The following CHD4 variants were observed in gnomAD, a reference collection of about 807,000 sequenced individuals.
CHD4 encodes ATP-dependent chromatin remodeler CHD4.
In CHD4, 35 loss-of-function variants were observed where a neutral mutation model predicts 235.5. The ratio of observed to expected loss-of-function variants is 0.15; its 90% CI spans 0.11 to 0.20. The LOEUF is 0.20. CHD4 is among the 10% of genes least tolerant of loss of function. The probability of loss-of-function intolerance (pLI) is 1.00; values close to 1 mark genes in which losing one functional copy is unlikely to be tolerated. For synonymous variants in CHD4, 900 were observed against 850.2 expected (o/e 1.06, Z -1.02); for missense variants, 1,329 against 2,432.3 (o/e 0.55, Z 9.54).
At chr12:6,576,097 G>A (rs1440514249) in intron 37 of CHD4, among the ~76,000 whole-genome samples, 7 of 151,226 alleles carry the variant, frequency 4.6e-5, no homozygotes, top group African/African-American at 1.7e-4. Context: ...AGTGGCTCAC[G>A]CCTGTTATCT....
rs2136223878 is a variant in CHD4 at position 6,600,615 on chromosome 12, T to C, written c.982A>G (p.Ser328Gly). 6.2e-7 allele frequency: 1 copy of C among 1,614,114 alleles called. No individual in the cohort carries two copies. Among genetic ancestry groups the C allele is most frequent in the Non-Finnish European group, 8.5e-7 (1 of 1,180,026 alleles). The change falls in exon 8 of 40, where the codon AGC becomes GGC. Residue 328 changes from serine to glycine, a missense_variant. Around this residue, in one of 26 missense-constraint regions of CHD4, gnomAD observed 160 missense variants for 196.6 expected, o/e 0.81. Coordinates refer to ENST00000544040, the MANE Select transcript of CHD4 (RefSeq NM_001273.5). ...GTGGAACCATCAGAAACAGAATAGC[T>C]ATTGATACTGGCATCATCGAAGTCA... ...ESDFDDASINSYSVSDGSTSR... is the reference protein window; with the variant it reads ...ESDFDDASINGYSVSDGSTSR...
At chr12:6,595,286 A>T (rs1047186854) in intron 14 of CHD4, 48 bp downstream of exon 14, 12 of 1,461,158 alleles carry the variant, frequency 8.2e-6, no homozygotes, top group Non-Finnish European at 1.1e-5. Flanking sequence ...TGCAGCAAAG[A>T]TACATTGTCC....
intron 25 of CHD4, chr12:6,584,766 T>C (rs1182647685): frequency 6.6e-6 from 1 of 152,238 alleles, no homozygotes; most frequent in African/African-American, 2.4e-5. Flanking sequence ...ACAGCAGCTA[T>C]AGTCACTAAT....
chr12:6,575,921 TTTG>T (rs1484460442), intron 37 of CHD4, among the ~76,000 whole-genome samples: 4 of 152,204 alleles, frequency 2.6e-5, no homozygotes, highest in African/African-American at 7.2e-5. Context: ...ACCTAATCCC[TTTG>T]TTCAGATACC....
chr12:6,578,372 G>C, intron 35 of CHD4, 37 bp downstream of exon 35: 1 of 1,600,358 alleles, frequency 6.2e-7, no homozygotes, highest in Non-Finnish European at 8.5e-7. Context: ...TTTCACATCA[G>C]ATCCTTCTAA....
At chr12:6,588,263 G>T in intron 23 of CHD4, 35 bp downstream of exon 23, 1 of 1,608,080 alleles carries the variant, frequency 6.2e-7, no homozygotes. Flanking sequence ...AGCATAACAT[G>T]TTACTTATTA....
chr12:6,595,973 A>G (rs775642086), intron 13 of CHD4, 33 bp downstream of exon 13: 8 of 1,572,998 alleles, frequency 5.1e-6, no homozygotes, highest in South Asian at 1.2e-5. Context: ...AAAAAAAAAG[A>G]AACAACTCTA....
Position 6,587,452 on chromosome 12 carries a change from G to C in CHD4, c.3811C>G (p.Gln1271Glu). Residue 1271 changes from glutamine to glutamate, a missense_variant, in exon 25 of 40, where the codon CAG (glutamine) becomes GAG (glutamate). By Grantham distance (29) the Gln-to-Glu change is conservative (BLOSUM62 2). This residue lies in a region of CHD4 where 21 missense variants were observed against 53.5 expected (regional missense o/e 0.39). Transcript: ENST00000544040. ...GAGCTCAAATATTCATTCATGCCCT[G>C]CAATTCTGTGTCTTCAGTCTCATCC... is the stretch of plus-strand genomic sequence containing the variant. The part of the protein sequence containing the change: ...NQDETEDTEL[Q>E]GMNEYLSSFK... The C allele has an allele frequency of 6.2e-7, 1 of 1,614,166 alleles. No individual in the cohort carries two copies. Among genetic ancestry groups the C allele is most frequent in the Non-Finnish European group, 8.5e-7 (1 of 1,180,034 alleles).
chr12:6,599,956 G>A lies in CHD4; in HGVS notation c.1299C>T (p.Ile433=), dbSNP rs1383958286. The A allele has an allele frequency of 1.9e-6, 3 of 1,614,008 alleles. No homozygotes were observed. Among genetic ancestry groups the A allele is most frequent in the South Asian group, 1.1e-5 (1 of 91,082 alleles). ...AKEDNSEGEE[I]LEEVGGDLEE... ...CGAGGTCTCCCCCAACCTCTTCCAGGATCTCCTCACCCTCCGAATTGTCCT... is the reference window on the plus strand; with the variant it reads ...CGAGGTCTCCCCCAACCTCTTCCAGAATCTCCTCACCCTCCGAATTGTCCT... Residue 433 remains isoleucine, a synonymous_variant, in exon 10 of 40, where the codon ATC becomes ATT. Transcript: ENST00000544040.
Position 6,573,265 on chromosome 12 carries a change from A to G in CHD4, c.5366T>C (p.Leu1789Ser). The G allele has an allele frequency of 6.4e-7, 1 of 1,564,416 alleles. No individual in the cohort carries two copies. Among genetic ancestry groups the G allele is most frequent in the Non-Finnish European group, 8.6e-7 (1 of 1,162,106 alleles). Residue 1789 changes from leucine to serine, a missense_variant, in exon 38 of 40, where the codon TTA (leucine) becomes TCA (serine). By Grantham distance (145) the Leu-to-Ser change is moderately radical (BLOSUM62 -2). Coordinates refer to ENST00000544040, the MANE Select transcript of CHD4 (RefSeq NM_001273.5). ...NKFLARRFKL[L>S]EQALVIEEQL... is the part of the protein sequence containing the mutation. ...TTCCTCAATCACCAGAGCTTGTTCT[A>G]AGAGCTGGACAAGGGATAAGAGGAA...
Position 6,600,626 on chromosome 12 carries a change from G to A in CHD4, c.971C>T (p.Ala324Val), listed in dbSNP as rs1948573084. The change falls in exon 8 of 40, where the codon GCC (alanine) becomes GTC (valine). Residue 324 changes from alanine to valine, a missense_variant. This residue lies in a region of CHD4 where 160 missense variants were observed against 196.6 expected (regional missense o/e 0.81). Coordinates refer to ENST00000544040, the MANE Select transcript of CHD4 (RefSeq NM_001273.5). ...AGAAACAGAATAGCTATTGATACTG[G>A]CATCATCGAAGTCAGATTCCACATC... ...DLDVESDFDD[A>V]SINSYSVSDG... 1.2e-6 allele frequency: 2 copies of A among 1,613,886 alleles called. No homozygotes were observed. The highest frequency in any genetic ancestry group is 2.2e-5 in the East Asian group (1 of 44,898).
chr12:6,579,750 CAA>C (rs61518872), intron 33 of CHD4, among the ~76,000 whole-genome samples: 11 of 73,514 alleles, frequency 1.5e-4, no homozygotes, highest in Admixed American at 3.2e-4. Context: ...GACTCCGTCT[CAA>C]AAAAAAAAAA....
chr12:6,591,468 T>C lies in CHD4; in HGVS notation c.3338A>G (p.Asn1113Ser). The C allele has an allele frequency of 2.5e-6, 4 of 1,613,062 alleles. No homozygotes were observed. The highest frequency in any genetic ancestry group is 2.5e-6 in the Non-Finnish European group (3 of 1,179,068). The change falls in exon 22 of 40, where the codon AAT (asparagine) becomes AGT (serine). Residue 1113 changes from asparagine (N) to serine (S), a missense_variant and splice_region_variant. By Grantham distance (46) the Asn-to-Ser change is conservative. Around this residue, in one of 26 missense-constraint regions of CHD4, gnomAD observed 12 missense variants for 23.3 expected, o/e 0.52. Coordinates refer to ENST00000544040, the MANE Select transcript of CHD4 (RefSeq NM_001273.5). ...NMRQEAIDRF[N>S]APGAQQFCFL... ...CTAAACAACTCCTTCTCTCTCACCA[T>C]TGAAGCGGTCAATGGCCTCTTGCCG...
At chr12:6,585,093 C>CAACT (rs1198464720) in intron 25 of CHD4, among the ~76,000 whole-genome samples, 1 of 152,064 alleles carries the variant, frequency 6.6e-6, no homozygotes, top group Non-Finnish European at 1.5e-5. Context: ...GAACCAATGC[C>CAACT]AACTGAAAGA....
intron 12 of CHD4, 107 bp downstream of exon 12, chr12:6,597,787 A>C (rs1398449416): frequency 1.9e-6 from 2 of 1,037,718 alleles, no homozygotes; most frequent in Non-Finnish European, 2.9e-6. Flanking sequence ...CAAACAAAAA[A>C]AACCAGTGTC....
At chr12:6,602,668 AAGAG>A (rs1236069583) in intron 2 of CHD4, among the ~76,000 whole-genome samples, 171 bp from the exon 3 acceptor site, 1 of 152,140 alleles carries the variant, frequency 6.6e-6, no homozygotes, top group African/African-American at 2.4e-5. Context: ...AAAACAGACA[AAGAG>A]AGAGCTGTAT....
At chr12:6,576,941 CT>C (rs571716589) in intron 37 of CHD4, among the ~76,000 whole-genome samples, 33,476 of 146,282 alleles carry the variant, frequency 0.23, 4,922 homozygotes, top group African/African-American at 0.44. Flanking sequence ...ACAGACACGT[CT>C]TTTTTTTTTT....
chr12:6,581,325 T>A lies in CHD4; in HGVS notation c.4745A>T (p.Glu1582Val). Reference sequence around the variant, plus strand: ...AGTCTCAGGGGCTGTAGATTTAACCTCCTTTTCTCCTTCTATGCTCTCTTC... The same window carrying A: ...AGTCTCAGGGGCTGTAGATTTAACCACCTTTTCTCCTTCTATGCTCTCTTC... ...KEEESIEGEKEVKSTAPETAI... is the reference protein window; with the variant it reads ...KEEESIEGEKVVKSTAPETAI... The change falls in exon 32 of 40, where the codon GAG becomes GTG. Residue 1582 changes from glutamate (E) to valine (V), a missense_variant. Physicochemically the swap from Glu to Val is moderately radical, Grantham distance 121. Coordinates refer to ENST00000544040, the MANE Select transcript of CHD4 (RefSeq NM_001273.5). The A allele has an allele frequency of 6.2e-7, 1 of 1,614,208 alleles. No homozygotes were observed.
chr12:6,575,632 T>G (rs149647102), intron 37 of CHD4, among the ~76,000 whole-genome samples: 1 of 152,094 alleles, frequency 6.6e-6, no homozygotes, highest in African/African-American at 2.4e-5. Flanking sequence ...ACCTCATGAT[T>G]ATATGACAGT....
Sources: allele counts gnomAD v4.1 joint callset (sites outside exome capture counted in the v4.1 genomes callset), GRCh38; gene constraint gnomAD v4.1.1; regional missense constraint gnomAD v4.1.1; transcripts MANE v1.5; gene names NCBI Gene and HGNC (gene_info 2026-07-23, HGNC 2026-07-21).